USP32: variants seen among roughly 807,000 people sequenced by gnomAD.
The protein encoded by USP32 is ubiquitin specific peptidase 32, also known as ubiquitin carboxyl-terminal hydrolase 32.
USP32 carries 59 observed loss-of-function variants against 204.8 expected under a neutral mutation model. That is an observed-to-expected ratio of 0.29 (90% CI 0.23 to 0.36). USP32 has a LOEUF of 0.36. Ranked by LOEUF, USP32 falls within the 10% of genes least tolerant of loss-of-function variation. The pLI is 1.00. For synonymous variants in USP32, 517 were observed against 678.4 expected, an observed-to-expected ratio of 0.76 and a Z score of 3.70; for missense variants, 1,160 against 1,946.4, an observed-to-expected ratio of 0.60 and a Z score of 7.60.
At chr17:60,392,357 G>C, upstream of USP32, 1 of 270,748 alleles carries the variant, frequency 3.7e-6, no homozygotes, top group Non-Finnish European at 7.3e-6. Flanking sequence ...GGAGCGCCGG[G>C]GAGGGGGACG....
At chr17:60,345,437 G>A (rs1166491181) in intron 2 of USP32, 44 bp downstream of exon 2, 4 of 1,605,504 alleles carry the variant, frequency 2.5e-6, no homozygotes, top group African/African-American at 1.3e-5. Context: ...GGCTGGTGGA[G>A]GTGGATAACT....
chr17:60,352,892 T>C (rs1254429952), intron 1 of USP32, among the ~76,000 whole-genome samples: 2 of 152,164 alleles, frequency 1.3e-5, no homozygotes, highest in Non-Finnish European at 2.9e-5. Context: ...ACTGAATAAT[T>C]AGCTGTCAAA....
At chr17:60,288,197 T>C (rs564159610) in intron 5 of USP32, among the ~76,000 whole-genome samples, 2 of 150,596 alleles carry the variant, frequency 1.3e-5, no homozygotes, top group Admixed American at 1.3e-4. Flanking sequence ...CTCAGGACTT[T>C]GGGAAACTGA....
intron 12 of USP32, among the ~76,000 whole-genome samples, chr17:60,227,559 C>T (rs976312685): frequency 1.3e-5 from 2 of 151,078 alleles, no homozygotes; most frequent in African/African-American, 4.9e-5. Flanking sequence ...CGTGAGCCAC[C>T]ATGCCCATTC....
chr17:60,421,663 C>G (rs1396168573), intron 1 of USP32: 2 of 918,340 alleles, frequency 2.2e-6, no homozygotes, highest in East Asian at 2.4e-4. Flanking sequence ...GCGCTGCTGC[C>G]GCGCCAGGGG....
Position 60,280,089 on chromosome 17 carries a change from G to GTTA in USP32, c.571+8431_571+8433dup, listed in dbSNP as rs374214644. The stretch of plus-strand genomic sequence containing the variant: ...CTAAAATCTTGGGTAAATTGAGTAA[G>GTTA]TTATTATTATTATTATTATTTTTTG... On this transcript the variant is annotated intron_variant, in intron 5 of 33. Transcript: ENST00000300896. Among the ~76,000 whole-genome samples, 1,400 of 151,550 alleles carry GTTA rather than the reference G, an allele frequency of 9.2e-3. 17 individuals carry two copies. Among genetic ancestry groups the GTTA allele is most frequent in the African/African-American group, 0.032 (1,306 of 41,328 alleles).
intron 1 of USP32, among the ~76,000 whole-genome samples, chr17:60,400,386 C>A (rs905437533): frequency 6.6e-6 from 1 of 152,088 alleles, no homozygotes; most frequent in Non-Finnish European, 1.5e-5. Context: ...TTAATCCAGG[C>A]GTGAGGGTTA....
chr17:60,413,940 C>G (rs1332016024), intron 1 of USP32, among the ~76,000 whole-genome samples: 1 of 149,866 alleles, frequency 6.7e-6, no homozygotes, highest in Non-Finnish European at 1.5e-5. Context: ...CCAGGCTCCT[C>G]AGGAAGAAAT....
At chr17:60,352,595 C>G (rs2088973834) in intron 1 of USP32, among the ~76,000 whole-genome samples, 1 of 152,140 alleles carries the variant, frequency 6.6e-6, no homozygotes, top group Non-Finnish European at 1.5e-5. Context: ...TGTTAAAAAT[C>G]CTTTCCTGGC....
intron 2 of USP32, among the ~76,000 whole-genome samples, chr17:60,331,975 G>A (rs1383456022): frequency 1.3e-5 from 2 of 151,726 alleles, no homozygotes; most frequent in African/African-American, 4.8e-5. Context: ...AGGCACAGTG[G>A]CTCACACCTG....
chr17:60,388,163 T>C (rs1567891157), intron 1 of USP32, among the ~76,000 whole-genome samples: 1 of 152,122 alleles, frequency 6.6e-6, no homozygotes, highest in Non-Finnish European at 1.5e-5. Context: ...ACACTATAGT[T>C]CATCACTCAG....
At chr17:60,271,302 C>T (rs1439418428) in intron 6 of USP32, 48 bp downstream of exon 6, 1 of 1,599,416 alleles carries the variant, frequency 6.3e-7, no homozygotes, top group Non-Finnish European at 8.5e-7. Context: ...GAGATGGGCT[C>T]AGGTATGTTT....
chr17:60,370,717 ACAC>A (rs1313621413), intron 1 of USP32, among the ~76,000 whole-genome samples: 2 of 150,786 alleles, frequency 1.3e-5, no homozygotes, highest in African/African-American at 4.9e-5. Flanking sequence ...AGTTGTGATC[ACAC>A]CACTATACTC....
At chr17:60,255,652 T>C (rs901497988) in intron 9 of USP32, among the ~76,000 whole-genome samples, 1 of 152,206 alleles carries the variant, frequency 6.6e-6, no homozygotes, top group Non-Finnish European at 1.5e-5. Flanking sequence ...TCCCCTACAA[T>C]GCAGAAGGTA....
chr17:60,227,558 C>G (rs1427529964), intron 12 of USP32, among the ~76,000 whole-genome samples: 1 of 151,696 alleles, frequency 6.6e-6, no homozygotes, highest in Non-Finnish European at 1.5e-5. Context: ...GCGTGAGCCA[C>G]CATGCCCATT....
chr17:60,221,264 G>A (rs568651722), intron 15 of USP32, among the ~76,000 whole-genome samples: 58 of 152,134 alleles, frequency 3.8e-4, no homozygotes, highest in Middle Eastern at 6.8e-3. Context: ...ATGGTGGTGT[G>A]TGCCTGCAGT....
At chr17:60,231,914 T>C (rs60339977) in intron 12 of USP32, among the ~76,000 whole-genome samples, 3,206 of 152,286 alleles carry the variant, frequency 0.021, 132 homozygotes, top group African/African-American at 0.073. Context: ...AAATTATTCA[T>C]GCTCCAGTGA....
intron 3 of USP32, among the ~76,000 whole-genome samples, chr17:60,297,870 CCTA>C (rs1217957811): frequency 6.6e-6 from 1 of 152,174 alleles, no homozygotes; most frequent in Non-Finnish European, 1.5e-5. Context: ...CAAATGCTAA[CCTA>C]CTGATTCCTG....
At chr17:60,278,227 A>G (rs2086885535) in intron 5 of USP32, among the ~76,000 whole-genome samples, 1 of 152,186 alleles carries the variant, frequency 6.6e-6, no homozygotes, top group African/African-American at 2.4e-5. Flanking sequence ...TTTAAAAGCC[A>G]CATCATATTC....
Sources: gnomAD v4.1 joint callset for allele counts (sites outside exome capture counted in the v4.1 genomes callset) on GRCh38, gnomAD v4.1.1 for gene constraint, MANE v1.5 for transcripts, NCBI Gene and HGNC (gene_info 2026-07-23, HGNC 2026-07-21) for gene names.